SYS1: variants seen among roughly 807,000 people sequenced by gnomAD.
The protein encoded by SYS1 is protein SYS1 homolog.
SYS1 carries 8 observed loss-of-function variants against 17.8 expected under a neutral mutation model. That is an observed-to-expected ratio of 0.45 (90% confidence interval 0.26 to 0.81). The LOEUF (loss-of-function observed/expected upper bound fraction) is 0.81. Ranked by LOEUF, SYS1 falls within the 40% of genes least tolerant of loss-of-function variation. SYS1 has a pLI of 0.16. For missense variants in SYS1, 161 were observed against 203.9 expected (o/e 0.79, Z 1.28); for synonymous variants, 95 against 90.9 (o/e 1.05, Z -0.26).
chr20:45,373,722 G>A (rs1988627712), downstream of SYS1: 3 of 609,562 alleles, frequency 4.9e-6, no homozygotes, highest in African/African-American at 3.7e-5. Flanking sequence ...GGAGGTGGGG[G>A]AGGGGTGCTG....
intron 2 of SYS1, chr20:45,365,074 T>C: frequency 4.7e-6 from 1 of 210,962 alleles, no homozygotes; most frequent in Non-Finnish European, 9.8e-6. Flanking sequence ...TGGGAAGAGC[T>C]GTGGGAATGC....
rs1397092451 is a variant in SYS1, at chr20:45,363,512, GGCTCGTGTCCCTGCAGGGCATGGC to G, written c.-3-15_6del. On this transcript the variant is annotated splice_acceptor_variant and splice_polypyrimidine_tract_variant and coding_sequence_variant and 5_prime_UTR_variant and intron_variant, in exon 2 of 4. Transcript: ENST00000243918. LOFTEE classifies it high-confidence loss of function. Reference sequence around the variant, plus strand: ...GGAGACAGGCCGCTGGCTGAGGCCCGGCTCGTGTCCCTGCAGGGCATGGCGGGTCAGTTCCGCAGCTACGTGTGG... The same window carrying G: ...GGAGACAGGCCGCTGGCTGAGGCCCGGGGTCAGTTCCGCAGCTACGTGTGG... 2.5e-6 allele frequency: 4 copies of G among 1,580,726 alleles called. No homozygotes were observed. The East Asian group carries it at 9.2e-5, about 37-fold the overall frequency.
rs779927526 is a variant in SYS1, at chr20:45,366,900, C to A, written c.256C>A (p.Arg86=). ...TCALGLLYFI[R]RGKQCLDFTV... is the part of the protein sequence containing the mutation. ...TGCCCTGGGCTTGCTGTACTTCATC[C>A]GGCGAGGAAAGCAGTGTCTGGATTT... Residue 86 remains arginine (R), a synonymous_variant, in exon 4 of 4, where the codon CGG becomes AGG. Coordinates refer to ENST00000243918, the MANE Select transcript of SYS1 (RefSeq NM_033542.4). The A allele has an allele frequency of 6.2e-7, 1 of 1,614,150 alleles. No homozygotes were observed. Among genetic ancestry groups the A allele is most frequent in the South Asian group, 1.1e-5 (1 of 91,074 alleles).
exon 4 of SYS1, chr20:45,375,336 A>T: frequency 6.2e-7 from 1 of 1,614,144 alleles, no homozygotes; most frequent in Non-Finnish European, 8.5e-7. Context: ...TTGGAACCTC[A>T]GGCTCTATAT....
chr20:45,374,838 G>A (rs1568922068), exon 4 of SYS1: 5 of 648,282 alleles, frequency 7.7e-6, no homozygotes, highest in East Asian at 5.6e-5. Flanking sequence ...ATCCTGAGAC[G>A]CCTCAACCTA....
rs558411864 is a variant in SYS1 at position 45,368,961 on chromosome 20, T to A, written c.*1846T>A. The A allele has an allele frequency of 4.7e-6, 4 of 848,444 alleles. No individual in the cohort carries two copies. The Admixed American group carries it at 2.5e-4, about 53-fold the overall frequency. 52.6% of individuals were successfully genotyped at this position (848,444 alleles called of 1,614,324 possible). The stretch of plus-strand genomic sequence containing the variant: ...TGCATATCTTCTGTGATGACAAATC[T>A]CTGTCCCCTGAGTGTTAATTTGATT... On this transcript the variant is annotated 3_prime_UTR_variant, in exon 4 of 4. Transcript: ENST00000243918.
chr20:45,364,289 T>A (rs1988328212), intron 2 of SYS1, among the ~76,000 whole-genome samples: 1 of 151,418 alleles, frequency 6.6e-6, no homozygotes, highest in Non-Finnish European at 1.5e-5. Context: ...GCAAGTTGCT[T>A]CCCCTTTCTG....
At chr20:45,362,980 C>T (rs1321072733), upstream of SYS1, 1 of 476,166 alleles carries the variant, frequency 2.1e-6, no homozygotes, top group Non-Finnish European at 2.7e-6. Flanking sequence ...AGAGGGCGCG[C>T]AAGCTCTGCG....
downstream of SYS1, among the ~76,000 whole-genome samples, chr20:45,371,154 T>G (rs1467510594): frequency 2.0e-5 from 3 of 152,026 alleles, no homozygotes; most frequent in Non-Finnish European, 4.4e-5. Flanking sequence ...TTTCCCTGGG[T>G]TTTGTTTTGT....
downstream of SYS1, chr20:45,373,784 T>C: frequency 1.3e-6 from 1 of 776,638 alleles, no homozygotes; most frequent in East Asian, 2.8e-5. Flanking sequence ...GGGGTGGGGG[T>C]GGGGGAAGCC....
chr20:45,368,112 A>G lies in SYS1; in HGVS notation c.*997A>G. ...TGTGTATACAAATACAGTATTTTCC[A>G]TGGTTCTGCCTGCACTTACTTTGTA... On this transcript the variant is annotated 3_prime_UTR_variant, in exon 4 of 4. Coordinates refer to ENST00000243918, the MANE Select transcript of SYS1 (RefSeq NM_033542.4). 8 of 985,358 alleles carry G rather than the reference A, an allele frequency of 8.1e-6. No homozygotes were observed. Among genetic ancestry groups the G allele is most frequent in the African/African-American group, 1.7e-5 (1 of 57,328 alleles). The allele number at this position is 985,358 out of a possible 1,614,324, so 61.0% of individuals were successfully genotyped here.
chr20:45,368,708 G>A lies in SYS1; in HGVS notation c.*1593G>A. 1.0e-6 allele frequency: 1 copy of A among 985,470 alleles called. No individual in the cohort carries two copies. The highest frequency in any genetic ancestry group is 1.2e-6 in the Non-Finnish European group (1 of 829,972). The allele number at this position is 985,470 out of a possible 1,614,324, so 61.0% of individuals were successfully genotyped here. The stretch of plus-strand genomic sequence containing the variant: ...TGGAAGGAAGCAGTTTGTTAATGAG[G>A]CACAGTAATCCTGGCTGCAGGGTCT... On this transcript the variant is annotated 3_prime_UTR_variant, in exon 4 of 4. Transcript: ENST00000243918.
exon 4 of SYS1, chr20:45,375,503 C>T: frequency 6.3e-7 from 1 of 1,591,866 alleles, no homozygotes; most frequent in Non-Finnish European, 8.6e-7. Context: ...CACCCGATCT[C>T]CTGGAACTCT....
Position 45,367,152 on chromosome 20 carries a change from C to G in SYS1, c.*37C>G, listed in dbSNP as rs557871174. On this transcript the variant is annotated 3_prime_UTR_variant, in exon 4 of 4. Transcript: ENST00000243918. ...TTGGACATCCTGCTGACACTTGGGCCCCTTAACACCTTGGGCTGCTCAGAC... is the reference window on the plus strand; with the variant it reads ...TTGGACATCCTGCTGACACTTGGGCGCCTTAACACCTTGGGCTGCTCAGAC... The G allele has an allele frequency of 6.2e-7, 1 of 1,610,482 alleles. No homozygotes were observed. The highest frequency in any genetic ancestry group is 1.3e-5 in the African/African-American group (1 of 74,978).
chr20:45,365,116 C>T (rs1988368071), intron 2 of SYS1: 2 of 249,024 alleles, frequency 8.0e-6, no homozygotes, highest in Non-Finnish European at 1.6e-5. Context: ...ATGATGCACA[C>T]AACCTGAGTT....
At chr20:45,373,709 C>T, downstream of SYS1, 1 of 582,750 alleles carries the variant, frequency 1.7e-6, no homozygotes, top group Admixed American at 3.1e-5. Context: ...GAGACTAGCT[C>T]GCGGAGGTGG....
intron 3 of SYS1, chr20:45,365,967 C>T (rs935680567): frequency 4.8e-5 from 22 of 462,756 alleles, no homozygotes; most frequent in South Asian, 3.9e-4. Flanking sequence ...AGGATTCGAC[C>T]GAGAGGCAGG....
Position 45,367,505 on chromosome 20 carries a change from T to TGTTA in SYS1, c.*391_*394dup. On this transcript the variant is annotated 3_prime_UTR_variant, in exon 4 of 4. Coordinates refer to ENST00000243918, the MANE Select transcript of SYS1 (RefSeq NM_033542.4). ...ATCTGTCTTACCCCCCTGGGACAGC[T>TGTTA]GTTACCTTTGCAGTGTTGCCGAATC... The TGTTA allele has an allele frequency of 2.9e-6, 3 of 1,024,214 alleles. No individual in the cohort carries two copies. The highest frequency in any genetic ancestry group is 3.5e-6 in the Non-Finnish European group (3 of 854,086). The allele number at this position is 1,024,214 out of a possible 1,614,324, so 63.4% of individuals were successfully genotyped here.
upstream of SYS1, chr20:45,363,059 T>G (rs998362551): frequency 1.0e-6 from 1 of 973,422 alleles, no homozygotes; most frequent in African/African-American, 1.8e-5. Flanking sequence ...GCTATCCGGC[T>G]GCTTGTACCT....
Sources: allele counts gnomAD v4.1 joint callset (sites outside exome capture counted in the v4.1 genomes callset), GRCh38; gene constraint gnomAD v4.1.1; transcripts MANE v1.5; gene names NCBI Gene and HGNC (gene_info 2026-07-23, HGNC 2026-07-21).